Variants in MGAT5 observed in about 807,000 individuals in gnomAD.
MGAT5 encodes alpha-1,6-mannosylglycoprotein 6-beta-N-acetylglucosaminyltransferase.
In MGAT5, 30 loss-of-function variants were observed where a neutral mutation model predicts 94.3. That is an observed-to-expected ratio of 0.32 (90% CI 0.24 to 0.43). The LOEUF (loss-of-function observed/expected upper bound fraction) is 0.43. Among genes scored for constraint, MGAT5 ranks in the 20% least tolerant of loss-of-function variants. The pLI is 1.00. For missense variants in MGAT5, 691 were observed against 905.5 expected, an observed-to-expected ratio of 0.76 and a Z score of 3.04; for synonymous variants, 310 against 322.9, an observed-to-expected ratio of 0.96 and a Z score of 0.43.
chr2:134,372,214 C>T (rs1680853915), intron 10 of MGAT5, among the ~76,000 whole-genome samples: 2 of 152,210 alleles, frequency 1.3e-5, no homozygotes, highest in South Asian at 4.2e-4. Context: ...CCACATCAGG[C>T]TGTAGAAGAC....
intron 1 of MGAT5, among the ~76,000 whole-genome samples, chr2:134,247,209 A>T (rs1279885226): frequency 6.6e-6 from 1 of 152,196 alleles, no homozygotes; most frequent in Non-Finnish European, 1.5e-5. Context: ...TTGAATTATT[A>T]ACATCTAAAG....
chr2:134,261,867 G>A (rs1237323789), intron 1 of MGAT5, among the ~76,000 whole-genome samples: 1 of 152,160 alleles, frequency 6.6e-6, no homozygotes, highest in Non-Finnish European at 1.5e-5. Flanking sequence ...GTTACAGCTG[G>A]GACTCATTTG....
rs140489155 is a variant in MGAT5, at chr2:134,311,866, A to C, written c.407-5663A>C. On this transcript the variant is annotated intron_variant, in intron 2 of 15. Transcript: ENST00000281923. ...TACGTATAAATATTGATCCTAGGCA[A>C]TTAGAAGATGCAAGTAGCCTTGTGT... Among the ~76,000 whole-genome samples, 50 of 152,320 alleles carry C rather than the reference A, an allele frequency of 3.3e-4. 1 individual carries two copies. In the East Asian group the frequency reaches 9.3e-3, roughly 28 times the overall value.
intron 10 of MGAT5, among the ~76,000 whole-genome samples, chr2:134,387,332 A>ATATATATATATATATTTTTTTTTTTT: frequency 4.1e-5 from 1 of 24,274 alleles, no homozygotes; most frequent in Admixed American, 7.7e-4. Context: ...ATATATATAT[A>ATATATATATATATATTTTTTTTTTTT]TTTTTTTTTT....
chr2:134,173,606 T>G (rs1325500741), intron 1 of MGAT5, among the ~76,000 whole-genome samples: 1 of 152,222 alleles, frequency 6.6e-6, no homozygotes, highest in East Asian at 1.9e-4. Context: ...CTAAATATGT[T>G]GTCGCTTTCC....
intron 11 of MGAT5, among the ~76,000 whole-genome samples, chr2:134,404,616 A>G (rs1292758210): frequency 6.6e-6 from 1 of 152,198 alleles, no homozygotes; most frequent in East Asian, 1.9e-4. Context: ...CCACTAGCCA[A>G]AAGAATGTAT....
chr2:134,382,512 G>A lies in MGAT5; in HGVS notation c.1380+20104G>A, dbSNP rs543688393. On this transcript the variant is annotated intron_variant, in intron 10 of 15. Transcript: ENST00000281923. ...AAAGCAGTACCACCCTTAGGGATTT[G>A]GCTACAGTAAAGCTAAATATAGGGC... Among the ~76,000 whole-genome samples, 7 of 152,268 alleles carry A rather than the reference G, an allele frequency of 4.6e-5. No individual in the cohort carries two copies. The East Asian group carries it at 1.3e-3, about 29-fold the overall frequency.
chr2:134,274,913 A>G (rs2105672009), intron 2 of MGAT5, among the ~76,000 whole-genome samples: 1 of 152,366 alleles, frequency 6.6e-6, no homozygotes, highest in South Asian at 2.1e-4. Context: ...CTGTTCTTAA[A>G]AACAGCAACC....
At chr2:134,286,985 A>G (rs573374958) in intron 2 of MGAT5, among the ~76,000 whole-genome samples, 23 of 152,240 alleles carry the variant, frequency 1.5e-4, no homozygotes, top group South Asian at 6.2e-4. Context: ...ACCACATTTC[A>G]TCCTTTTTCT....
chr2:134,177,144 C>CGTGTGTGTATGTGTGTGTGTGTGT (rs1553488520), intron 1 of MGAT5, among the ~76,000 whole-genome samples: 19 of 142,530 alleles, frequency 1.3e-4, no homozygotes, highest in Non-Finnish European at 2.1e-4. Flanking sequence ...CAAATGAACC[C>CGTGTGTGTATGTGTGTGTGTGTGT]GTGTGTGTGT....
chr2:134,450,675 G>T lies in MGAT5; in HGVS notation c.*1828G>T, dbSNP rs974740640. 1.3e-5 allele frequency: 2 copies of T among 152,158 alleles called. No homozygotes were observed. Among genetic ancestry groups the T allele is most frequent in the African/African-American group, 4.8e-5 (2 of 41,426 alleles). The allele number at this position is 152,158 out of a possible 1,614,324, so 9.4% of individuals were successfully genotyped here. On this transcript the variant is annotated 3_prime_UTR_variant, in exon 16 of 16. Coordinates refer to ENST00000281923, the MANE Select transcript of MGAT5 (RefSeq NM_002410.5). ...CTGCCAGGTAGAGTACCATGGGGAG[G>T]CCTCTGCCCTGAGCATCATCACAGG...
intron 11 of MGAT5, among the ~76,000 whole-genome samples, chr2:134,407,216 GC>G (rs373724261): frequency 9.1e-4 from 139 of 152,262 alleles, no homozygotes; most frequent in African/African-American, 3.2e-3. Flanking sequence ...GTGAGTGATA[GC>G]CCAAGAGCTT....
In MGAT5 at chr2:134,143,873, G is replaced by A. The variant is rs139665501; in HGVS notation, c.-143+23582G>A. Among the ~76,000 whole-genome samples, 943 of 152,326 alleles carry A rather than the reference G, an allele frequency of 6.2e-3. 8 individuals carry two copies. The highest frequency in any genetic ancestry group is 9.1e-3 in the Admixed American group (139 of 15,306). On this transcript the variant is annotated intron_variant, in intron 1 of 16. Transcript: ENST00000409645. ...TGAAGGCACAGTTTTCTGTTACCAC[G>A]TAAGGATTTTGCTGGGTAATTATTA... is the stretch of plus-strand genomic sequence containing the variant.
In MGAT5 at chr2:134,157,405, G is replaced by T. The variant is rs1687526014; in HGVS notation, c.-143+37114G>T. Among the ~76,000 whole-genome samples the T allele has an allele frequency of 2.0e-5, 3 of 152,186 alleles. No individual in the cohort carries two copies. In the Middle Eastern group the frequency reaches 0.01, roughly 518 times the overall value. On this transcript the variant is annotated intron_variant, in intron 1 of 16. Coordinates refer to the MGAT5 transcript ENST00000409645. ...TGTGAAACATTTGCAAAGTGCTTGG[G>T]GGTTTAGTAAGCCCTTAGTAAATGG...
chr2:134,130,626 C>G (rs1686107695), intron 1 of MGAT5, among the ~76,000 whole-genome samples: 1 of 151,706 alleles, frequency 6.6e-6, no homozygotes, highest in African/African-American at 2.4e-5. Context: ...ACTTTTATGT[C>G]TAGCTAGAGG....
chr2:134,154,739 C>A (rs959952982), intron 1 of MGAT5, among the ~76,000 whole-genome samples: 1 of 152,168 alleles, frequency 6.6e-6, no homozygotes, highest in Non-Finnish European at 1.5e-5. Flanking sequence ...TCTAGAAACA[C>A]GAGCCATCCT....
At chr2:134,146,945 G>T (rs897382462) in intron 1 of MGAT5, among the ~76,000 whole-genome samples, 1 of 152,168 alleles carries the variant, frequency 6.6e-6, no homozygotes, top group African/African-American at 2.4e-5. Flanking sequence ...GAGTTTCTTA[G>T]CTTAGTCTGT....
chr2:134,293,909 T>G (rs1283854371), intron 2 of MGAT5, among the ~76,000 whole-genome samples: 1 of 152,128 alleles, frequency 6.6e-6, no homozygotes, highest in East Asian at 1.9e-4. Context: ...TACAGAAGTG[T>G]GTGGAGGATG....
Position 134,360,999 on chromosome 2 carries a change from C to T in MGAT5, c.1247-1276C>T, listed in dbSNP as rs574060106. 1.5e-3 allele frequency among the ~76,000 whole-genome samples: 227 copies of T among 152,344 alleles called. 4 individuals carry two copies. Among genetic ancestry groups the T allele is most frequent in the African/African-American group, 5.3e-3 (219 of 41,564 alleles). On this transcript the variant is annotated intron_variant, in intron 9 of 15. Coordinates refer to ENST00000281923, the MANE Select transcript of MGAT5 (RefSeq NM_002410.5). ...ATTTCCACAGCTCAGGGCTTCCTGCCACTGTCCCTTCTTCATTGTGTTCCC... is the reference window on the plus strand; with the variant it reads ...ATTTCCACAGCTCAGGGCTTCCTGCTACTGTCCCTTCTTCATTGTGTTCCC...
Sources: gnomAD v4.1 joint callset for allele counts (sites outside exome capture counted in the v4.1 genomes callset) on GRCh38, gnomAD v4.1.1 for gene constraint, MANE v1.5 for transcripts, NCBI Gene and HGNC (gene_info 2026-07-23, HGNC 2026-07-21) for gene names.